The following AMOTL2 variants were observed in gnomAD, a reference collection of about 807,000 sequenced individuals.
AMOTL2 encodes the protein angiomotin-like protein 2.
In AMOTL2, 33 loss-of-function variants were observed where a neutral mutation model predicts 78.4. The observed-to-expected ratio is 0.42, with a 90% CI of 0.32 to 0.56. The LOEUF (loss-of-function observed/expected upper bound fraction) is 0.56. Ranked by LOEUF, AMOTL2 falls within the 20% of genes least tolerant of loss-of-function variation. The probability of loss-of-function intolerance (pLI) is 0.12; values close to 1 mark genes in which losing one functional copy is unlikely to be tolerated. For synonymous variants in AMOTL2, 422 were observed against 428.8 expected (o/e 0.98, Z 0.20); for missense variants, 983 against 1,030.1 (o/e 0.95, Z 0.63).
intron 1 of AMOTL2, chr3:134,373,922 C>T: frequency 1.2e-6 from 1 of 830,076 alleles, no homozygotes; most frequent in Non-Finnish European, 1.5e-6. Flanking sequence ...AATTCTTGGA[C>T]TAGTTGGGGG....
intron 1 of AMOTL2, chr3:134,373,711 G>T (rs183007598): frequency 9.1e-6 from 9 of 985,422 alleles, no homozygotes; most frequent in Admixed American, 1.2e-4. Flanking sequence ...CCGCTGGTAC[G>T]CCTGGGGCGA....
chr3:134,371,006 T>A lies in AMOTL2; in HGVS notation c.428A>T (p.Gln143Leu), dbSNP rs755387091. 6.2e-7 allele frequency: 1 copy of A among 1,602,468 alleles called. No homozygotes were observed. The highest frequency in any genetic ancestry group is 1.1e-5 in the South Asian group (1 of 89,524). ...CCTCAGCTCCCGCAGGGCCTCGTCC[T>A]GCCTCCGACTGCCTCCCGGGGCCCC... ...PRGAPGGSRRQDEALRELRHG... is the reference protein window; with the variant it reads ...PRGAPGGSRRLDEALRELRHG... The change falls in exon 2 of 10, where the codon CAG becomes CTG. Residue 143 changes from glutamine to leucine, a missense_variant. Gln to Leu is a moderately radical substitution (Grantham distance 113). Transcript: ENST00000249883.
At chr3:134,363,005 C>T (rs2017441153) in intron 5 of AMOTL2, among the ~76,000 whole-genome samples, 2 of 152,332 alleles carry the variant, frequency 1.3e-5, no homozygotes, top group South Asian at 2.1e-4. Flanking sequence ...ACACACGTGC[C>T]ACTGAGGACT....
At chr3:134,374,727 G>A (rs879558296), upstream of AMOTL2, 3 of 986,350 alleles carry the variant, frequency 3.0e-6, no homozygotes, top group Admixed American at 6.1e-5. Flanking sequence ...GTCCGCCCCT[G>A]CCCCATGCTT....
chr3:134,375,385 T>C (rs113795297), upstream of AMOTL2: 5 of 774,820 alleles, frequency 6.5e-6, no homozygotes, highest in African/African-American at 5.1e-5. Context: ...CTCAGAGAGC[T>C]TAAGCAGCGT....
chr3:134,357,215 G>A lies in AMOTL2; in HGVS notation c.*490C>T. 5.8e-6 allele frequency: 1 copy of A among 171,438 alleles called. No individual in the cohort carries two copies. Among genetic ancestry groups the A allele is most frequent in the East Asian group, 1.5e-4 (1 of 6,788 alleles). The allele number at this position is 171,438 out of a possible 1,614,324, so 10.6% of individuals were successfully genotyped here. A position where few individuals can be genotyped will look rare whatever the true frequency, so the allele number is the denominator to read the frequency against. On this transcript the variant is annotated 3_prime_UTR_variant, in exon 10 of 10. Transcript: ENST00000249883. ...CCCAAGAAGGCAGTGAGGAACTGAA[G>A]AGCAGATGACGTTGGCTGGAACCAA...
rs745587729 is a variant in AMOTL2, at chr3:134,361,727, G to A, written c.1360C>T (p.Arg454Cys). ...AGAGCCTGCTCCAGCAGCTCGGCAC[G>A]CCGCCGCTGGTCCTCGATGGCGCCG... is the stretch of plus-strand genomic sequence containing the variant. Reference protein sequence around the residue: ...LRGAIEDQRRRAELLEQALGN... With the variant: ...LRGAIEDQRRCAELLEQALGN... The change falls in exon 6 of 10, where the codon CGT (arginine) becomes TGT (cysteine). Residue 454 changes from arginine to cysteine, a missense_variant. Transcript: ENST00000249883. 22 of 1,607,042 alleles carry A rather than the reference G, an allele frequency of 1.4e-5. No homozygotes were observed. Among genetic ancestry groups the A allele is most frequent in the African/African-American group, 4.0e-5 (3 of 74,782 alleles).
chr3:134,370,868 C>A lies in AMOTL2; in HGVS notation c.566G>T (p.Arg189Leu), dbSNP rs554025750. 13 of 1,606,992 alleles carry A rather than the reference C, an allele frequency of 8.1e-6. No homozygotes were observed. In the South Asian group the frequency reaches 1.1e-4, roughly 14 times the overall value. ...CCTCAGTGGGGGGCCCTGCTGGTTG[C>A]GGGCCAGCTGTGGGAAGCTGTGGGA... ...SSSHSFPQLA[R>L]NQQGPPLRGP... Residue 189 changes from arginine to leucine, a missense_variant, in exon 2 of 10, where the codon CGC (arginine) becomes CTC (leucine). Coordinates refer to ENST00000249883, the MANE Select transcript of AMOTL2 (RefSeq NM_016201.4).
At chr3:134,373,442 C>A (rs2017956328) in intron 1 of AMOTL2, 1 of 983,864 alleles carries the variant, frequency 1.0e-6, no homozygotes, top group African/African-American at 1.7e-5. Flanking sequence ...CCAAGCCCCT[C>A]AGATTCACGT....
At position 134,356,789 on chromosome 3, in the gene AMOTL2, T is replaced by G. The variant is rs1440159152; in HGVS notation, c.*916A>C. 1 of 152,668 alleles carries G rather than the reference T, an allele frequency of 6.6e-6. No individual in the cohort carries two copies. The highest frequency in any genetic ancestry group is 1.5e-5 in the Non-Finnish European group (1 of 68,122). 9.5% of individuals were successfully genotyped at this position (152,668 alleles called of 1,614,324 possible). A position where few individuals can be genotyped will look rare whatever the true frequency, so the allele number is the denominator to read the frequency against. Reference sequence around the variant, plus strand: ...AGGGTTTATGACCAAACTGACAGGATGTTCCAGGGACAGGAGCTGTGGAGC... The same window carrying G: ...AGGGTTTATGACCAAACTGACAGGAGGTTCCAGGGACAGGAGCTGTGGAGC... On this transcript the variant is annotated 3_prime_UTR_variant, in exon 10 of 10. Coordinates refer to ENST00000249883, the MANE Select transcript of AMOTL2 (RefSeq NM_016201.4).
At chr3:134,373,501 C>G (rs911971385) in intron 1 of AMOTL2, 37 of 985,438 alleles carry the variant, frequency 3.8e-5, no homozygotes, top group Non-Finnish European at 4.3e-5. Context: ...TGCTTCCGCG[C>G]CCCCGGCCGC....
At position 134,360,211 on chromosome 3, in the gene AMOTL2, T is replaced by C. The variant is rs752361624; in HGVS notation, c.1778A>G (p.Gln593Arg). Residue 593 changes from glutamine (Q) to arginine (R), a missense_variant, in exon 7 of 10, where the codon CAG (glutamine) becomes CGG (arginine). Gln to Arg is a conservative substitution (Grantham distance 43, BLOSUM62 1). Transcript: ENST00000249883. ...AMDAAATAAA[Q>R]RDTTLIRHSP... The stretch of plus-strand genomic sequence containing the variant: ...ATGTCGGATGAGAGTGGTGTCACGC[T>C]GAGCAGCAGCCGTGGCAGCCGCATC... 1 of 1,614,132 alleles carries C rather than the reference T, an allele frequency of 6.2e-7. No individual in the cohort carries two copies. The highest frequency in any genetic ancestry group is 8.5e-7 in the Non-Finnish European group (1 of 1,179,978).
In AMOTL2 at chr3:134,362,105, GGGGCACCAT is replaced by G. The variant is rs565421501; in HGVS notation, c.1280-307_1280-299del. Among the ~76,000 whole-genome samples the G allele has an allele frequency of 3.9e-4, 60 of 152,330 alleles. 3 individuals carry two copies. In the South Asian group the frequency reaches 0.012, roughly 32 times the overall value. ...CCCCAAACACCATCCACTTGTGCCAGGGGCACCATGTCTAAAACACATCCACAATATCCC... is the reference window on the plus strand; with the variant it reads ...CCCCAAACACCATCCACTTGTGCCAGGTCTAAAACACATCCACAATATCCC... On this transcript the variant is annotated intron_variant, in intron 5 of 9. Coordinates refer to ENST00000249883, the MANE Select transcript of AMOTL2 (RefSeq NM_016201.4).
rs751412015 is a variant in AMOTL2, at chr3:134,370,723, C to T, written c.711G>A (p.Pro237=). 1.4e-5 allele frequency: 21 copies of T among 1,510,172 alleles called. No homozygotes were observed. The highest frequency in any genetic ancestry group is 2.3e-5 in the Admixed American group (1 of 43,928). 93.5% of individuals were successfully genotyped at this position (1,510,172 alleles called of 1,614,324 possible). A position where few individuals can be genotyped will look rare whatever the true frequency, so the allele number is the denominator to read the frequency against. The change falls in exon 2 of 10, where the codon CCG becomes CCA. Residue 237 remains proline, a synonymous_variant. Transcript: ENST00000249883. ...TDPRYRARGS[P]HFQHAEVRIL... is the part of the protein sequence containing the mutation. ...ACCTGACTTCAGCATGCTGGAAGTG[C>T]GGGCTGCCGCGGGCACGGTACCGTG...
At chr3:134,374,234 A>G in intron 1 of AMOTL2, 108 bp downstream of exon 1, 2 of 985,244 alleles carry the variant, frequency 2.0e-6, no homozygotes, top group Non-Finnish European at 2.4e-6. Flanking sequence ...TCGATCCTCG[A>G]GGCTCCGACT....
intron 5 of AMOTL2, among the ~76,000 whole-genome samples, chr3:134,364,861 G>C (rs574208674): frequency 7.9e-5 from 12 of 152,190 alleles, no homozygotes; most frequent in Admixed American, 5.2e-4. Context: ...CAAACACCTT[G>C]AACAGCACTA....
intron 9 of AMOTL2, 96 bp downstream of exon 9, chr3:134,358,444 G>C (rs78285763): frequency 7.0e-7 from 1 of 1,432,022 alleles, no homozygotes; most frequent in African/African-American, 1.4e-5. Context: ...GCAATGACCC[G>C]GAGGGGGTCT....
chr3:134,367,920 T>C lies in AMOTL2; in HGVS notation c.735-117A>G, dbSNP rs888859606. 18 of 757,344 alleles carry C rather than the reference T, an allele frequency of 2.4e-5. No homozygotes were observed. In the African/African-American group the frequency reaches 3.3e-4, roughly 14 times the overall value. 46.9% of individuals were successfully genotyped at this position (757,344 alleles called of 1,614,324 possible). On this transcript the variant is annotated intron_variant, in intron 2 of 9. Transcript: ENST00000249883. ...TGGGAAGATGGTTAATTATTATCAA[T>C]AATTAATATATTATTAAAATTACTG...
chr3:134,358,914 G>T (rs1239266244), intron 8 of AMOTL2, among the ~76,000 whole-genome samples, 195 bp from the exon 9 acceptor site: 1 of 152,200 alleles, frequency 6.6e-6, no homozygotes, highest in Non-Finnish European at 1.5e-5. Flanking sequence ...CAAATGTTTT[G>T]GGTGGTGGGA....
Sources: allele counts gnomAD v4.1 joint callset (sites outside exome capture counted in the v4.1 genomes callset), GRCh38; gene constraint gnomAD v4.1.1; transcripts MANE v1.5; gene names NCBI Gene and HGNC (gene_info 2026-07-23, HGNC 2026-07-21).